MICAL1: variants seen among roughly 807,000 people sequenced by gnomAD.
MICAL1 encodes microtubule associated monooxygenase, calponin and LIM domain containing 1, also known as [F-actin]-monooxygenase MICAL1.
A neutral mutation model predicts 131.8 loss-of-function variants in MICAL1; 95 were observed. That is an observed-to-expected ratio of 0.72 (90% CI 0.61 to 0.86). MICAL1 has a LOEUF of 0.86. Ranked by LOEUF, MICAL1 falls within the 40% of genes least tolerant of loss-of-function variation. The pLI, the probability that MICAL1 is intolerant of heterozygous loss-of-function variation, is 0.00. For synonymous variants in MICAL1, 546 were observed against 554.2 expected (o/e 0.99, Z 0.21); for missense variants, 1,292 against 1,380.6 (o/e 0.94, Z 1.02).
At chr6:109,465,431 T>C (rs574624808) in intron 1 of MICAL1, 5 of 555,578 alleles carry the variant, frequency 9.0e-6, no homozygotes, top group South Asian at 7.4e-5. Flanking sequence ...AATAAGAAAA[T>C]AGAACAAACC....
upstream of MICAL1, among the ~76,000 whole-genome samples, chr6:109,458,503 G>A (rs561362998): frequency 6.6e-6 from 1 of 152,340 alleles, no homozygotes; most frequent in East Asian, 1.9e-4. Flanking sequence ...GGCTGAGGCA[G>A]GAGAATCGCT....
chr6:109,447,222 G>C lies in MICAL1; in HGVS notation c.2078C>G (p.Ala693Gly), dbSNP rs761277963. 1.2e-6 allele frequency: 2 copies of C among 1,614,032 alleles called. No homozygotes were observed. Residue 693 changes from alanine (A) to glycine (G), a missense_variant, in exon 17 of 25, where the codon GCT becomes GGT. Coordinates refer to ENST00000358807, the MANE Select transcript of MICAL1 (RefSeq NM_022765.4). Reference protein sequence around the residue: ...TPPSQHQEAGAGDLCALCGEH... With the variant: ...TPPSQHQEAGGGDLCALCGEH... ...CCCACAAAGTGCACACAGGTCCCCA[G>C]CACCGGCCTGCGTGGACCCCCAGGA... is the stretch of plus-strand genomic sequence containing the variant.
chr6:109,462,251 AG>A (rs1431848090), intron 1 of MICAL1, among the ~76,000 whole-genome samples: 1 of 152,250 alleles, frequency 6.6e-6, no homozygotes, highest in Admixed American at 6.5e-5. Context: ...GGGAGGCCTC[AG>A]AAGAAACCAA....
In MICAL1 at chr6:109,448,761, G is replaced by A. The variant is rs755295605; in HGVS notation, c.1635C>T (p.Ala545=). The A allele has an allele frequency of 3.5e-5, 57 of 1,613,930 alleles. No individual in the cohort carries two copies. Among genetic ancestry groups the A allele is most frequent in the South Asian group, 1.3e-4 (12 of 91,084 alleles). The change falls in exon 12 of 25, where the codon GCC becomes GCT. Residue 545 remains alanine (A), a synonymous_variant. Coordinates refer to ENST00000358807, the MANE Select transcript of MICAL1 (RefSeq NM_022765.4). ...GGCCAGGCTGCAGCCGGTACACCAG[G>A]GCACACAGAGCTAGCCCATCAGCCC... ...SSWADGLALC[A]LVYRLQPGLL... is the part of the protein sequence containing the mutation.
chr6:109,446,977 G>T, intron 17 of MICAL1, 96 bp downstream of exon 17: 1 of 1,466,632 alleles, frequency 6.8e-7, no homozygotes, highest in Non-Finnish European at 9.3e-7. Context: ...GCCATCTTGA[G>T]CCTGTTTCCA....
chr6:109,461,313 TA>T (rs1284772880), intron 1 of MICAL1, among the ~76,000 whole-genome samples: 1 of 152,228 alleles, frequency 6.6e-6, no homozygotes, highest in African/African-American at 2.4e-5. Context: ...GGCTGCATAG[TA>T]TTCCATGGTG....
At chr6:109,450,596 G>C (rs750074155) in intron 7 of MICAL1, 39 bp from the exon 8 acceptor site, 1 of 1,571,924 alleles carries the variant, frequency 6.4e-7, no homozygotes, top group Admixed American at 1.7e-5. Context: ...AGACCTCTGA[G>C]AGCAGGGTCA....
intron 15 of MICAL1, 59 bp from the exon 16 acceptor site, chr6:109,447,499 T>C: frequency 6.4e-7 from 1 of 1,552,182 alleles, no homozygotes; most frequent in Non-Finnish European, 8.8e-7. Flanking sequence ...TGGGAGGGGA[T>C]GCGTACAGAT....
intron 11 of MICAL1, 48 bp downstream of exon 11, chr6:109,449,352 C>A: frequency 6.3e-7 from 1 of 1,595,502 alleles, no homozygotes; most frequent in Non-Finnish European, 8.6e-7. Flanking sequence ...CTGGGCCTCG[C>A]TGGGTAGTAC....
intron 11 of MICAL1, 159 bp downstream of exon 11, chr6:109,449,241 C>G (rs766673589): frequency 1.3e-6 from 1 of 797,072 alleles, no homozygotes; most frequent in Non-Finnish European, 2.2e-6. Flanking sequence ...GGTGCTGCCC[C>G]TCCGTTCCTC....
At position 109,450,013 on chromosome 6, in the gene MICAL1, G is replaced by T. The variant is rs200615812; in HGVS notation, c.1264C>A (p.Arg422=). 1 of 1,613,998 alleles carries T rather than the reference G, an allele frequency of 6.2e-7. No homozygotes were observed. The highest frequency in any genetic ancestry group is 1.7e-5 in the Admixed American group (1 of 59,990). The change falls in exon 9 of 25, where the codon CGG becomes AGG. Residue 422 remains arginine (R), a synonymous_variant. Coordinates refer to ENST00000358807, the MANE Select transcript of MICAL1 (RefSeq NM_022765.4). ...AGGGACTCAGCGCCCTCTGCCCACC[G>T]CTTCACCATCCAGGCTGCATCAAAG... is the stretch of plus-strand genomic sequence containing the variant. ...AAFDAAWMVK[R]WAEGAESLEV... is the part of the protein sequence containing the mutation.
chr6:109,450,253 GCTCC>G (rs973501093), intron 8 of MICAL1, 43 bp downstream of exon 8: 1 of 1,585,056 alleles, frequency 6.3e-7, no homozygotes, highest in African/African-American at 1.3e-5. Context: ...ATACTAGGCA[GCTCC>G]CTCCCCTAAC....
At chr6:109,448,922 AT>A in intron 11 of MICAL1, 43 bp from the exon 12 acceptor site, 1 of 1,607,632 alleles carries the variant, frequency 6.2e-7, no homozygotes, top group South Asian at 1.1e-5. Flanking sequence ...CCCTCTGCCC[AT>A]CCCAGGCATA....
upstream of MICAL1, among the ~76,000 whole-genome samples, chr6:109,456,297 G>A (rs1303964266): frequency 2.0e-5 from 3 of 152,274 alleles, no homozygotes; most frequent in Admixed American, 2.0e-4. Context: ...CGGCGGGTCC[G>A]AGGGTGGCGC....
At position 109,448,841 on chromosome 6, in the gene MICAL1, G is replaced by A. The variant is rs759426771; in HGVS notation, c.1555C>T (p.Gln519Ter). The change falls in exon 12 of 25, where the codon CAG becomes TAG. Residue 519 changes from glutamine (Q) to a stop codon, truncating the protein, a stop_gained. Coordinates refer to ENST00000358807, the MANE Select transcript of MICAL1 (RefSeq NM_022765.4). LOFTEE classifies it high-confidence loss of function. The stretch of plus-strand genomic sequence containing the variant: ...CCCGGGTACCCAGCTGTCTGCTCCT[G>A]GCACCAGCGTAGCAGCTCCTCCTGG... ...GTQEELLRWC[Q>*]EQTAGYPGVH... 2 of 1,613,952 alleles carry A rather than the reference G, an allele frequency of 1.2e-6. No homozygotes were observed. Among genetic ancestry groups the A allele is most frequent in the South Asian group, 2.2e-5 (2 of 91,086 alleles).
chr6:109,447,664 C>T lies in MICAL1; in HGVS notation c.1986+17G>A, dbSNP rs1370997526. On this transcript the variant is annotated intron_variant, in intron 15 of 24. Coordinates refer to ENST00000358807, the MANE Select transcript of MICAL1 (RefSeq NM_022765.4). ...AAATGTGGGGTAGGAGACCGACCCGCCCCTGCCTGCATTCACCTCCAAGCG... is the reference window on the plus strand; with the variant it reads ...AAATGTGGGGTAGGAGACCGACCCGTCCCTGCCTGCATTCACCTCCAAGCG... 1.2e-6 allele frequency: 2 copies of T among 1,613,884 alleles called. No individual in the cohort carries two copies. The highest frequency in any genetic ancestry group is 1.3e-5 in the African/African-American group (1 of 74,844).
intron 6 of MICAL1, 137 bp downstream of exon 6, chr6:109,452,109 C>T (rs1270750471): frequency 6.9e-6 from 10 of 1,448,800 alleles, no homozygotes; most frequent in Middle Eastern, 4.4e-4. Flanking sequence ...GGACAGGTTC[C>T]TTCTCCTTTG....
Position 109,447,055 on chromosome 6 carries a change from T to A in MICAL1, c.2227+18A>T. 1 of 1,611,628 alleles carries A rather than the reference T, an allele frequency of 6.2e-7. No homozygotes were observed. The highest frequency in any genetic ancestry group is 8.5e-7 in the Non-Finnish European group (1 of 1,178,946). On this transcript the variant is annotated intron_variant, in intron 17 of 24. Coordinates refer to ENST00000358807, the MANE Select transcript of MICAL1 (RefSeq NM_022765.4). ...GCCAGGCCCAGAGTCTCTCTGGAGG[T>A]CTCCCAGGCCCACTCACCATCTCCT...
At chr6:109,449,117 A>T (rs934885035) in intron 11 of MICAL1, 1 of 661,224 alleles carries the variant, frequency 1.5e-6, no homozygotes, top group African/African-American at 1.8e-5. Context: ...GGCCACATAG[A>T]GGGCAGCAGA....
Sources: gnomAD v4.1 joint callset for allele counts (sites outside exome capture counted in the v4.1 genomes callset) on GRCh38, gnomAD v4.1.1 for gene constraint, MANE v1.5 for transcripts, NCBI Gene and HGNC (gene_info 2026-07-23, HGNC 2026-07-21) for gene names.